Variants in SNX29 observed in about 807,000 individuals in gnomAD.
SNX29 encodes the protein sorting nexin-29.
A neutral mutation model predicts 102.1 loss-of-function variants in SNX29; 78 were observed. That is an observed-to-expected ratio of 0.76 (90% confidence interval 0.64 to 0.92). The LOEUF (loss-of-function observed/expected upper bound fraction) is 0.92, where lower values mean the gene tolerates loss of function less well. Among genes scored for constraint, SNX29 ranks in the 40% least tolerant of loss-of-function variants. SNX29 has a pLI of 0.00. For synonymous variants in SNX29, 580 were observed against 414.5 expected (o/e 1.40, Z -4.85); for missense variants, 1,280 against 1,061.7 (o/e 1.21, Z -2.86).
At chr16:12,085,078 A>T (rs1289203132) in intron 11 of SNX29, among the ~76,000 whole-genome samples, 1 of 151,726 alleles carries the variant, frequency 6.6e-6, no homozygotes, top group Non-Finnish European at 1.5e-5. Context: ...CAAAAAGAAA[A>T]AGAAAAAAAA....
At position 12,061,640 on chromosome 16, in the gene SNX29, C is replaced by A; in HGVS notation, c.1237C>A (p.Pro413Thr). ...TGTCAGTGGCGTGGGCTCCTACAGC[C>A]CAGCAGGTGGGTGTCTCCCGATTAC... ...FPVSGVGSYS[P>T]ADAPLGSLEN... The change falls in exon 9 of 21, where the codon CCA (proline) becomes ACA (threonine). Residue 413 changes from proline to threonine, a missense_variant. Transcript: ENST00000566228. The A allele has an allele frequency of 6.2e-7, 1 of 1,610,368 alleles. No homozygotes were observed. Among genetic ancestry groups the A allele is most frequent in the Non-Finnish European group, 8.5e-7 (1 of 1,178,600 alleles).
At chr16:11,983,281 T>C (rs2055468972) in intron 1 of SNX29, among the ~76,000 whole-genome samples, 1 of 149,002 alleles carries the variant, frequency 6.7e-6, no homozygotes, top group African/African-American at 2.5e-5. Context: ...CTTACTACGT[T>C]ACCCAGGTTT....
intron 18 of SNX29, among the ~76,000 whole-genome samples, chr16:12,449,686 T>A (rs904844338): frequency 1.3e-5 from 2 of 152,142 alleles, no homozygotes. Flanking sequence ...TTGTCTGAGG[T>A]TACGCAGGTT....
At chr16:12,348,263 C>A (rs972156622) in intron 15 of SNX29, among the ~76,000 whole-genome samples, 1 of 152,258 alleles carries the variant, frequency 6.6e-6, no homozygotes, top group South Asian at 2.1e-4. Context: ...CTGGGATTTT[C>A]GTTTGAAGCT....
At chr16:12,399,848 C>T (rs1461164830) in intron 17 of SNX29, among the ~76,000 whole-genome samples, 1 of 151,936 alleles carries the variant, frequency 6.6e-6, no homozygotes, top group Non-Finnish European at 1.5e-5. Flanking sequence ...GGGAGCATGG[C>T]ATGAAGAGGC....
At chr16:12,540,750 G>A (rs112951443) in intron 20 of SNX29, among the ~76,000 whole-genome samples, 113 of 152,290 alleles carry the variant, frequency 7.4e-4, no homozygotes, top group African/African-American at 2.5e-3. Flanking sequence ...GGGCACCATT[G>A]ATCTTACCGC....
chr16:12,535,425 C>A (rs28565147), intron 20 of SNX29, among the ~76,000 whole-genome samples: 2,753 of 152,290 alleles, frequency 0.018, 91 homozygotes, highest in African/African-American at 0.062. Context: ...AGCCACTGCG[C>A]CTGGCCAGCT....
At position 12,325,504 on chromosome 16, in the gene SNX29, A is replaced by G. The variant is rs575511635; in HGVS notation, c.1783-30659A>G. Among the ~76,000 whole-genome samples the G allele has an allele frequency of 1.6e-4, 24 of 152,336 alleles. 1 individual carries two copies. Among genetic ancestry groups the G allele is most frequent in the African/African-American group, 5.5e-4 (23 of 41,586 alleles). ...ATATTAAGGTTGTGACAAGCATTTT[A>G]TAAAAGCAAGAACTCATTGCTGAAG... is the stretch of plus-strand genomic sequence containing the variant. On this transcript the variant is annotated intron_variant, in intron 15 of 20. Transcript: ENST00000566228.
intron 16 of SNX29, among the ~76,000 whole-genome samples, chr16:12,389,897 T>C (rs935333136): frequency 6.6e-6 from 1 of 152,212 alleles, no homozygotes; most frequent in African/African-American, 2.4e-5. Flanking sequence ...CTTCAAACCT[T>C]GTTTCCCTCA....
At chr16:12,521,296 A>G (rs1039900738) in intron 19 of SNX29, among the ~76,000 whole-genome samples, 44 of 152,248 alleles carry the variant, frequency 2.9e-4, no homozygotes, top group African/African-American at 1.1e-3. Flanking sequence ...TTGCTGCCAT[A>G]TTGGACATTC....
At chr16:12,256,699 G>T (rs538687456) in intron 14 of SNX29, among the ~76,000 whole-genome samples, 2 of 152,262 alleles carry the variant, frequency 1.3e-5, no homozygotes, top group South Asian at 4.2e-4. Flanking sequence ...TATGTGCCAG[G>T]TACCAGGCTA....
intron 20 of SNX29, among the ~76,000 whole-genome samples, chr16:12,536,992 T>A (rs11648929): frequency 1.9e-4 from 22 of 117,042 alleles, no homozygotes; most frequent in Admixed American, 1.8e-3. Context: ...AAAAATAAAA[T>A]AAAAAGAGTT....
At chr16:12,553,730 T>C (rs78871013) in intron 20 of SNX29, among the ~76,000 whole-genome samples, 2,330 of 151,712 alleles carry the variant, frequency 0.015, 55 homozygotes, top group African/African-American at 0.053. Context: ...TGGGATTATA[T>C]GCACATGCCA....
At chr16:12,447,259 C>G (rs1170534252) in intron 18 of SNX29, among the ~76,000 whole-genome samples, 1 of 150,790 alleles carries the variant, frequency 6.6e-6, no homozygotes, top group Non-Finnish European at 1.5e-5. Flanking sequence ...CTGAAAGCAT[C>G]CAGGCAATTG....
At position 12,570,335 on chromosome 16, in the gene SNX29, C is replaced by A; in HGVS notation, c.*1706C>A. ...ATCCTGTAAAGGCAACTTGGTCTCC[C>A]TCCCACTCACCTGCCAACATTGCTG... On this transcript the variant is annotated 3_prime_UTR_variant, in exon 21 of 21. Coordinates refer to ENST00000566228, the MANE Select transcript of SNX29 (RefSeq NM_032167.5). The A allele has an allele frequency of 2.6e-6, 2 of 771,578 alleles. No homozygotes were observed. Among genetic ancestry groups the A allele is most frequent in the African/African-American group, 1.8e-5 (1 of 55,356 alleles). The allele number at this position is 771,578 out of a possible 1,614,324, so 47.8% of individuals were successfully genotyped here.
intron 19 of SNX29, among the ~76,000 whole-genome samples, chr16:12,519,105 T>C (rs1003267497): frequency 2.7e-4 from 41 of 152,178 alleles, no homozygotes; most frequent in Non-Finnish European, 5.0e-4. Flanking sequence ...CCCTACCCAC[T>C]GGCAGGGCTG....
intron 14 of SNX29, among the ~76,000 whole-genome samples, chr16:12,259,044 C>A (rs1229672855): frequency 1.3e-5 from 2 of 152,150 alleles, no homozygotes; most frequent in African/African-American, 4.8e-5. Context: ...ACGCCTCCCT[C>A]CCCAGATTCC....
intron 18 of SNX29, among the ~76,000 whole-genome samples, chr16:12,463,985 C>T (rs1597470894): frequency 6.6e-6 from 1 of 152,222 alleles, no homozygotes; most frequent in East Asian, 1.9e-4. Context: ...ATAAGATGTA[C>T]CCTTTGACCA....
intron 13 of SNX29, among the ~76,000 whole-genome samples, chr16:12,156,843 C>A (rs1242691035): frequency 6.6e-6 from 1 of 152,146 alleles, no homozygotes; most frequent in Admixed American, 6.5e-5. Flanking sequence ...TTTCCTCGTG[C>A]CCCCCTCCCC....
Sources: gnomAD v4.1 joint callset for allele counts (sites outside exome capture counted in the v4.1 genomes callset) on GRCh38, gnomAD v4.1.1 for gene constraint, MANE v1.5 for transcripts, NCBI Gene and HGNC (gene_info 2026-07-23, HGNC 2026-07-21) for gene names.